The following PEA15 variants were observed in gnomAD, a reference collection of about 807,000 sequenced individuals.
PEA15 encodes the protein proliferation and apoptosis adaptor protein 15, also known as astrocytic phosphoprotein PEA-15.
For missense variants in PEA15, 77 were observed against 161.3 expected, an observed-to-expected ratio of 0.48 and a Z score of 2.83; for synonymous variants, 60 against 61.8, an observed-to-expected ratio of 0.97 and a Z score of 0.13.
At position 160,211,529 on chromosome 1, in the gene PEA15, C is replaced by T. The variant is rs1225985784; in HGVS notation, c.-2-14C>T. On this transcript the variant is annotated splice_polypyrimidine_tract_variant and intron_variant, in intron 1 of 3. Coordinates refer to ENST00000360472, the MANE Select transcript of PEA15 (RefSeq NM_003768.5). ...AAGCTCAACTCCTATCCCTTTGTCG[C>T]CTCCCAACCCCAGTCATGGCTGAGT... 2 of 1,599,596 alleles carry T rather than the reference C, an allele frequency of 1.3e-6. No individual in the cohort carries two copies. Among genetic ancestry groups the T allele is most frequent in the Non-Finnish European group, 8.5e-7 (1 of 1,169,988 alleles).
Position 160,211,585 on chromosome 1 carries a change from A to T in PEA15, c.41A>T (p.Asn14Ile), listed in dbSNP as rs2101698714. 1.2e-6 allele frequency: 2 copies of T among 1,613,872 alleles called. No homozygotes were observed. The highest frequency in any genetic ancestry group is 1.7e-4 in the Middle Eastern group (1 of 6,056). The change falls in exon 2 of 4, where the codon AAC (asparagine) becomes ATC (isoleucine). Residue 14 changes from asparagine to isoleucine, a missense_variant. Coordinates refer to ENST00000360472, the MANE Select transcript of PEA15 (RefSeq NM_003768.5). Reference protein sequence around the residue: ...YGTLLQDLTNNITLEDLEQLK... With the variant: ...YGTLLQDLTNIITLEDLEQLK... The stretch of plus-strand genomic sequence containing the variant: ...ACCCTCCTGCAAGACCTGACCAACA[A>T]CATCACCCTTGAAGATCTAGAACAG...
chr1:160,207,047 T>G (rs1306332463), intron 1 of PEA15: 1 of 152,450 alleles, frequency 6.6e-6, no homozygotes, highest in Non-Finnish European at 1.5e-5. Context: ...CACAATGTCA[T>G]GATGGATATC....
At chr1:160,206,492 G>A (rs538570766) in intron 1 of PEA15, 1 of 152,616 alleles carries the variant, frequency 6.6e-6, no homozygotes, top group East Asian at 1.9e-4. Context: ...GGTCCAGTTA[G>A]GGCTTAGCGT....
rs1023649353 is a variant in PEA15, at chr1:160,214,812, T to C, written c.*1326T>C. 1 of 152,630 alleles carries C rather than the reference T, an allele frequency of 6.6e-6. No individual in the cohort carries two copies. Among genetic ancestry groups the C allele is most frequent in the African/African-American group, 2.4e-5 (1 of 41,440 alleles). The allele number at this position is 152,630 out of a possible 1,614,324, so 9.5% of individuals were successfully genotyped here. A position where few individuals can be genotyped will look rare whatever the true frequency, so the allele number is the denominator to read the frequency against. ...TTCACATGCAGTCTCAGAGACTATT[T>C]AGACAAAGTTCAAGTTAGGAGCTTT... On this transcript the variant is annotated 3_prime_UTR_variant, in exon 4 of 4. Transcript: ENST00000360472.
rs762680865 is a variant in PEA15, at chr1:160,208,603, A to T, written c.-2-2940A>T. On this transcript the variant is annotated intron_variant, in intron 1 of 3. Transcript: ENST00000360472. This position sits in a 1 kb window ranked among gnomAD's most constrained non-coding sequence, Gnocchi z 4.1. ...ATCTGAATCTCTGGTGAGGAAAGTG[A>T]CATGGAGGATGAAGGAAACAAGCTC... 7.1e-6 allele frequency: 11 copies of T among 1,550,428 alleles called. 1 individual carries two copies. The South Asian group carries it at 1.3e-4, about 18-fold the overall frequency.
Position 160,211,721 on chromosome 1 carries a change from G to A in PEA15, c.172+5G>A, listed in dbSNP as rs1442493537. On this transcript the variant is annotated splice_donor_5th_base_variant and intron_variant, in intron 2 of 3. Coordinates refer to ENST00000360472, the MANE Select transcript of PEA15 (RefSeq NM_003768.5). ...GCCACAACAAGCTGGACAAAGGTGG[G>A]GGAGGGGAGCACAGGGGTCCTGTCA... is the stretch of plus-strand genomic sequence containing the variant. 6 of 1,612,126 alleles carry A rather than the reference G, an allele frequency of 3.7e-6. No individual in the cohort carries two copies. The highest frequency in any genetic ancestry group is 4.2e-6 in the Non-Finnish European group (5 of 1,178,682).
chr1:160,212,377 A>G (rs927789461), intron 2 of PEA15, among the ~76,000 whole-genome samples: 1 of 152,084 alleles, frequency 6.6e-6, no homozygotes, highest in African/African-American at 2.4e-5. Flanking sequence ...GGTGTTTAGA[A>G]ATGGCTGGGA....
In PEA15 at chr1:160,213,207, T is replaced by G. The variant is rs1444880573; in HGVS notation, c.270T>G (p.Ser90=). 1 of 1,614,114 alleles carries G rather than the reference T, an allele frequency of 6.2e-7. No homozygotes were observed. The highest frequency in any genetic ancestry group is 2.2e-5 in the East Asian group (1 of 44,902). The change falls in exon 3 of 4, where the codon TCT becomes TCG. Residue 90 remains serine (S), a synonymous_variant. Coordinates refer to ENST00000360472, the MANE Select transcript of PEA15 (RefSeq NM_003768.5). This position sits in a 1 kb window ranked among gnomAD's most constrained non-coding sequence, Gnocchi z 5.3. ...VDYRTRVLKI[S]EEDELDTKLT... ...ACAGAACCCGTGTGCTGAAGATCTC[T>G]GAGGAGGATGAGCTGGACACCAAGC...
intron 2 of PEA15, among the ~76,000 whole-genome samples, chr1:160,212,014 T>C (rs1205467170): frequency 6.6e-6 from 1 of 152,204 alleles, no homozygotes; most frequent in East Asian, 1.9e-4. Flanking sequence ...ACAATAAAAA[T>C]GGAAGAATAC....
rs761844020 is a variant in PEA15 at position 160,213,382 on chromosome 1, C to G, written c.329-40C>G. ...GCCCAATGGGCCTGCCTGGCATCTC[C>G]CACACTGCTGTCCCTGGACACATAC... On this transcript the variant is annotated intron_variant, in intron 3 of 3. Transcript: ENST00000360472. This position sits in a 1 kb window ranked among gnomAD's most constrained non-coding sequence, Gnocchi z 5.3. 6.2e-7 allele frequency: 1 copy of G among 1,612,884 alleles called. No individual in the cohort carries two copies. The highest frequency in any genetic ancestry group is 1.1e-5 in the South Asian group (1 of 91,030).
chr1:160,208,605 A>G lies in PEA15; in HGVS notation c.-2-2938A>G, dbSNP rs1014322788. 5.8e-6 allele frequency: 9 copies of G among 1,550,352 alleles called. No homozygotes were observed. The Admixed American group carries it at 9.8e-5, about 17-fold the overall frequency. ...CTGAATCTCTGGTGAGGAAAGTGAC[A>G]TGGAGGATGAAGGAAACAAGCTCTG... On this transcript the variant is annotated intron_variant, in intron 1 of 3. Transcript: ENST00000360472. The surrounding 1 kb of genome is among the most constrained non-coding windows in gnomAD (Gnocchi z 4.1).
chr1:160,207,431 C>T (rs1481256074), intron 1 of PEA15, among the ~76,000 whole-genome samples: 1 of 152,204 alleles, frequency 6.6e-6, no homozygotes, highest in Non-Finnish European at 1.5e-5. Context: ...CATTCCCCTC[C>T]TCGCCATCAG....
chr1:160,211,363 A>C (rs1416081601), intron 1 of PEA15, 180 bp from the exon 2 acceptor site: 1 of 1,305,888 alleles, frequency 7.7e-7, no homozygotes, highest in Admixed American at 3.6e-5. Flanking sequence ...CTTCCCGTCT[A>C]CCCTGACTGC....
chr1:160,211,285 A>C (rs772736716), intron 1 of PEA15: 17 of 1,158,248 alleles, frequency 1.5e-5, no homozygotes, highest in Non-Finnish European at 1.7e-5. Context: ...GAGGGGGAAA[A>C]CAGAAGAAAA....
chr1:160,208,776 A>C lies in PEA15; in HGVS notation c.-2-2767A>C. On this transcript the variant is annotated intron_variant, in intron 1 of 3. Coordinates refer to ENST00000360472, the MANE Select transcript of PEA15 (RefSeq NM_003768.5). The surrounding 1 kb of genome is among the most constrained non-coding windows in gnomAD (Gnocchi z 4.1). ...AATGGATCTCTCCAAGAAGGGAGGC[A>C]ACTGGGCTGCCTTTCCTTGTACCGT... 1 of 920,862 alleles carries C rather than the reference A, an allele frequency of 1.1e-6. No individual in the cohort carries two copies. The highest frequency in any genetic ancestry group is 1.4e-5 in the South Asian group (1 of 68,988). The allele number at this position is 920,862 out of a possible 1,614,324, so 57.0% of individuals were successfully genotyped here.
chr1:160,206,815 A>G (rs1294894637), intron 1 of PEA15, among the ~76,000 whole-genome samples: 1 of 152,194 alleles, frequency 6.6e-6, no homozygotes, highest in Admixed American at 6.5e-5. Flanking sequence ...GGAAAGTGGT[A>G]CGTGTGTCTG....
Position 160,211,110 on chromosome 1 carries a change from C to T in PEA15, c.-2-433C>T, listed in dbSNP as rs374019614. ...AGCTTCTCACTGCCACAGCAAGCCT[C>T]GCCCTGGTTGTTTTGGAGTTTTTTT... On this transcript the variant is annotated intron_variant, in intron 1 of 3. Coordinates refer to ENST00000360472, the MANE Select transcript of PEA15 (RefSeq NM_003768.5). Among the ~76,000 whole-genome samples, 13 of 152,172 alleles carry T rather than the reference C, an allele frequency of 8.5e-5. No homozygotes were observed. The East Asian group carries it at 1.4e-3, about 16-fold the overall frequency.
chr1:160,213,579 T>C lies in PEA15; in HGVS notation c.*93T>C. 9.5e-7 allele frequency: 1 copy of C among 1,055,898 alleles called. No individual in the cohort carries two copies. Among genetic ancestry groups the C allele is most frequent in the African/African-American group, 1.6e-5 (1 of 63,870 alleles). The allele number at this position is 1,055,898 out of a possible 1,614,324, so 65.4% of individuals were successfully genotyped here. ...GAGGGGGCAAGGGCAACCCACCATC[T>C]ACCCACTTACTAACCTGGTCCTAAC... On this transcript the variant is annotated 3_prime_UTR_variant, in exon 4 of 4. Coordinates refer to ENST00000360472, the MANE Select transcript of PEA15 (RefSeq NM_003768.5). The surrounding 1 kb of genome is among the most constrained non-coding windows in gnomAD (Gnocchi z 5.3).
In PEA15 at chr1:160,213,160, C is replaced by T. The variant is rs1328714001; in HGVS notation, c.223C>T (p.Leu75=). Residue 75 remains leucine (L), a synonymous_variant, in exon 3 of 4, where the codon CTA becomes TTA. Coordinates refer to ENST00000360472, the MANE Select transcript of PEA15 (RefSeq NM_003768.5). This position sits in a 1 kb window ranked among gnomAD's most constrained non-coding sequence, Gnocchi z 5.3. ...HIFEISRRPD[L]LTMVVDYRTR... ...CTTTGAGATCTCCCGCCGTCCTGAC[C>T]TACTCACTATGGTGGTTGACTACAG... 8.7e-6 allele frequency: 14 copies of T among 1,614,200 alleles called. No individual in the cohort carries two copies. Among genetic ancestry groups the T allele is most frequent in the Non-Finnish European group, 1.0e-5 (12 of 1,180,036 alleles).
Sources: allele counts gnomAD v4.1 joint callset (sites outside exome capture counted in the v4.1 genomes callset), GRCh38; gene constraint gnomAD v4.1.1; non-coding constraint Gnocchi (gnomAD v3.1); transcripts MANE v1.5; gene names NCBI Gene and HGNC (gene_info 2026-07-23, HGNC 2026-07-21).